Variants in BANK1 observed in about 807,000 individuals in gnomAD.
BANK1 encodes B-cell scaffold protein with ankyrin repeats.
A neutral mutation model predicts 94.5 loss-of-function variants in BANK1; 95 were observed. That is an observed-to-expected ratio of 1.00 (90% CI 0.85 to 1.19). The LOEUF (loss-of-function observed/expected upper bound fraction) is 1.19, where lower values mean the gene tolerates loss of function less well. Among genes scored for constraint, BANK1 ranks in the 50% most tolerant of loss-of-function variants. The probability of loss-of-function intolerance (pLI) is 0.00; values close to 1 mark genes in which losing one functional copy is unlikely to be tolerated. For missense variants in BANK1, 987 were observed against 932.2 expected (o/e 1.06, Z -0.77); for synonymous variants, 334 against 308.4 (o/e 1.08, Z -0.87).
intron 2 of BANK1, among the ~76,000 whole-genome samples, chr4:101,852,860 C>A (rs1236102661): frequency 2.0e-5 from 3 of 151,774 alleles, no homozygotes; most frequent in African/African-American, 7.3e-5. Context: ...AATAAAATAA[C>A]TTTTTTTTAC....
intron 7 of BANK1, among the ~76,000 whole-genome samples, chr4:101,982,573 T>C (rs1299004311): frequency 6.6e-6 from 1 of 152,074 alleles, no homozygotes; most frequent in African/African-American, 2.4e-5. Flanking sequence ...AATCAATAAC[T>C]TTTTAAAGCA....
At chr4:102,023,487 A>G (rs1158083496) in intron 8 of BANK1, among the ~76,000 whole-genome samples, 5 of 152,206 alleles carry the variant, frequency 3.3e-5, no homozygotes, top group Non-Finnish European at 7.3e-5. Flanking sequence ...GAAAAATTTC[A>G]CTTTTGCAGT....
chr4:102,021,505 T>G lies in BANK1; in HGVS notation c.1207-9T>G. On this transcript the variant is annotated splice_polypyrimidine_tract_variant and intron_variant, in intron 7 of 16. Coordinates refer to ENST00000322953, the MANE Select transcript of BANK1 (RefSeq NM_017935.5). ...TAATGCATATTATTAAAAATTACAT[T>G]TTTTTCAGATCCAAGAAATTGACAT... is the stretch of plus-strand genomic sequence containing the variant. 3 of 1,343,756 alleles carry G rather than the reference T, an allele frequency of 2.2e-6. No homozygotes were observed. Among genetic ancestry groups the G allele is most frequent in the Non-Finnish European group, 3.1e-6 (3 of 979,902 alleles). 83.2% of individuals were successfully genotyped at this position (1,343,756 alleles called of 1,614,324 possible).
chr4:101,892,398 TAACA>T lies in BANK1; in HGVS notation c.904-2906_904-2903del, dbSNP rs74757731. On this transcript the variant is annotated intron_variant, in intron 5 of 16. Coordinates refer to ENST00000322953, the MANE Select transcript of BANK1 (RefSeq NM_017935.5). Reference sequence around the variant, plus strand: ...TAAAAAAATTTTCTTGGGAGTAGTCTAACACTTTCTTCATGAACATAAAGCATTG... The same window carrying T: ...TAAAAAAATTTTCTTGGGAGTAGTCTCTTTCTTCATGAACATAAAGCATTG... 4.6e-3 allele frequency among the ~76,000 whole-genome samples: 701 copies of T among 151,714 alleles called. 12 individuals are homozygous for T. The East Asian group carries it at 0.058, about 13-fold the overall frequency.
intron 5 of BANK1, among the ~76,000 whole-genome samples, chr4:101,890,965 T>C (rs1721846651): frequency 6.6e-6 from 1 of 152,064 alleles, no homozygotes. Context: ...ATAAATGTCT[T>C]AGATATTTTG....
chr4:101,990,365 T>C (rs1050518721), intron 7 of BANK1, among the ~76,000 whole-genome samples: 3 of 152,234 alleles, frequency 2.0e-5, no homozygotes, highest in Non-Finnish European at 4.4e-5. Flanking sequence ...CTTCAAAATA[T>C]ATTGCATTCT....
chr4:102,068,446 A>C (rs78435524), intron 13 of BANK1, among the ~76,000 whole-genome samples: 248 of 152,296 alleles, frequency 1.6e-3, no homozygotes, highest in African/African-American at 5.7e-3. Flanking sequence ...TCAAGGAAAA[A>C]AAAAGACAAC....
intron 7 of BANK1, among the ~76,000 whole-genome samples, chr4:101,923,721 G>T (rs1227696043): frequency 6.6e-6 from 1 of 151,848 alleles, no homozygotes; most frequent in Non-Finnish European, 1.5e-5. Flanking sequence ...TATGGTGAAA[G>T]AAATGGGATG....
At chr4:101,841,156 T>G (rs1727030574) in intron 2 of BANK1, among the ~76,000 whole-genome samples, 1 of 152,118 alleles carries the variant, frequency 6.6e-6, no homozygotes, top group African/African-American at 2.4e-5. Context: ...ATTTAAAAGC[T>G]TTTTATTTTT....
intron 3 of BANK1, among the ~76,000 whole-genome samples, chr4:101,858,869 T>C (rs1727773649): frequency 6.6e-6 from 1 of 152,198 alleles, no homozygotes; most frequent in South Asian, 2.1e-4. Context: ...GACCTGTTCA[T>C]TGACACACTT....
chr4:102,038,948 T>A (rs1727611386), intron 10 of BANK1, among the ~76,000 whole-genome samples: 1 of 152,164 alleles, frequency 6.6e-6, no homozygotes, highest in African/African-American at 2.4e-5. Context: ...CTAAAGCAGT[T>A]ATTAATACCA....
chr4:102,063,152 G>T lies in BANK1; in HGVS notation c.2212+14G>T. On this transcript the variant is annotated intron_variant, in intron 13 of 16. Transcript: ENST00000322953. ...AAAATGTCTATAGTAAGTAAGATTC[G>T]CCTGCTATTCAAAAATAATAGAGTG... 1.2e-6 allele frequency: 2 copies of T among 1,602,248 alleles called. No homozygotes were observed. Among genetic ancestry groups the T allele is most frequent in the Non-Finnish European group, 1.7e-6 (2 of 1,169,666 alleles).
intron 7 of BANK1, among the ~76,000 whole-genome samples, chr4:102,019,854 A>G (rs1321370197): frequency 1.3e-5 from 2 of 152,200 alleles, no homozygotes; most frequent in Non-Finnish European, 2.9e-5. Flanking sequence ...ATTATATAAA[A>G]TATCAATTGT....
At chr4:102,061,270 A>G (rs1728409746) in intron 12 of BANK1, 1 of 152,246 alleles carries the variant, frequency 6.6e-6, no homozygotes, top group South Asian at 2.1e-4. Context: ...GAGAAATTTC[A>G]CACAATATAG....
chr4:102,028,827 A>G (rs1727188440), intron 9 of BANK1, among the ~76,000 whole-genome samples: 2 of 152,086 alleles, frequency 1.3e-5, no homozygotes, highest in African/African-American at 4.8e-5. Context: ...ATGTGAATTC[A>G]TTCTCACACC....
chr4:102,030,106 G>T lies in BANK1; in HGVS notation c.1741G>T (p.Ala581Ser). Residue 581 changes from alanine to serine, a missense_variant, in exon 10 of 17, where the codon GCT (alanine) becomes TCT (serine). Coordinates refer to ENST00000322953, the MANE Select transcript of BANK1 (RefSeq NM_017935.5). ...QEEEEDPYTFAEIDDSEYDMI... is the reference protein window; with the variant it reads ...QEEEEDPYTFSEIDDSEYDMI... ...GGAGGAAGAAGACCCATATACTTTT[G>T]CTGAGATTGATGACAGTGAATATGA... 1 of 1,613,930 alleles carries T rather than the reference G, an allele frequency of 6.2e-7. No individual in the cohort carries two copies. Among genetic ancestry groups the T allele is most frequent in the Non-Finnish European group, 8.5e-7 (1 of 1,179,938 alleles).
intron 7 of BANK1, among the ~76,000 whole-genome samples, chr4:102,012,635 T>C (rs146739013): frequency 5.8e-4 from 89 of 152,212 alleles, no homozygotes; most frequent in African/African-American, 2.0e-3. Flanking sequence ...GGTGTTCAAG[T>C]AGTATTATAT....
At chr4:101,875,938 A>T (rs543907447) in intron 5 of BANK1, among the ~76,000 whole-genome samples, 1 of 152,260 alleles carries the variant, frequency 6.6e-6, no homozygotes, top group South Asian at 2.1e-4. Flanking sequence ...TAAAGGAGTG[A>T]CGGTATCACC....
intron 7 of BANK1, among the ~76,000 whole-genome samples, chr4:102,020,254 A>G (rs917295953): frequency 1.3e-5 from 2 of 152,118 alleles, no homozygotes; most frequent in African/African-American, 4.8e-5. Flanking sequence ...TATGAAATAT[A>G]TAGGTGAAGC....
Sources: gnomAD v4.1 joint callset for allele counts (sites outside exome capture counted in the v4.1 genomes callset) on GRCh38, gnomAD v4.1.1 for gene constraint, MANE v1.5 for transcripts, NCBI Gene and HGNC (gene_info 2026-07-23, HGNC 2026-07-21) for gene names.